LRRTM4: variants seen among roughly 807,000 people sequenced by gnomAD.
LRRTM4 encodes the protein leucine-rich repeat transmembrane neuronal protein 4.
Under a neutral mutation model 47.6 loss-of-function variants are expected in LRRTM4, and 25 were observed. The observed-to-expected ratio is 0.53, with a 90% CI of 0.38 to 0.73. The LOEUF (loss-of-function observed/expected upper bound fraction) is 0.73, where lower values mean the gene tolerates loss of function less well. LRRTM4 is among the 30% of genes least tolerant of loss of function. The pLI, the probability that LRRTM4 is intolerant of heterozygous loss-of-function variation, is 0.00. For missense variants in LRRTM4, 638 were observed against 713.4 expected, an observed-to-expected ratio of 0.89 and a Z score of 1.20; for synonymous variants, 311 against 269.5, an observed-to-expected ratio of 1.15 and a Z score of -1.51.
intron 3 of LRRTM4, among the ~76,000 whole-genome samples, chr2:77,046,492 C>T (rs1435601403): frequency 6.6e-6 from 1 of 151,948 alleles, no homozygotes; most frequent in Non-Finnish European, 1.5e-5. Flanking sequence ...CCAGTTGCCA[C>T]AGAATCTTGG....
At chr2:76,860,440 G>A (rs1672279758) in intron 3 of LRRTM4, among the ~76,000 whole-genome samples, 2 of 152,122 alleles carry the variant, frequency 1.3e-5, no homozygotes, top group African/African-American at 2.4e-5. Context: ...ATGAAACTGT[G>A]TGCAGATTAT....
intron 3 of LRRTM4, among the ~76,000 whole-genome samples, chr2:76,827,345 G>T (rs534904727): frequency 2.6e-5 from 4 of 151,868 alleles, no homozygotes; most frequent in African/African-American, 9.6e-5. Flanking sequence ...AGGGTCAAAC[G>T]CCAGGGGCCT....
At chr2:77,471,067 G>C (rs993479805) in intron 3 of LRRTM4, among the ~76,000 whole-genome samples, 2 of 151,860 alleles carry the variant, frequency 1.3e-5, no homozygotes, top group Non-Finnish European at 2.9e-5. Context: ...TCTAGTTCAG[G>C]CCTTTTCCCT....
chr2:76,819,280 C>T (rs1465839502), intron 3 of LRRTM4, among the ~76,000 whole-genome samples: 4 of 151,634 alleles, frequency 2.6e-5, no homozygotes, highest in African/African-American at 9.7e-5. Flanking sequence ...TAATATTTTT[C>T]TCATTATACA....
intron 3 of LRRTM4, among the ~76,000 whole-genome samples, chr2:76,785,362 A>C (rs62172101): frequency 0.27 from 40,312 of 152,066 alleles, 6,165 homozygotes; most frequent in Non-Finnish European, 0.34. Flanking sequence ...TAGAGCATCA[A>C]CTTATAACAG....
At chr2:77,038,346 GA>G (rs200363797) in intron 3 of LRRTM4, among the ~76,000 whole-genome samples, 571 of 151,634 alleles carry the variant, frequency 3.8e-3, no homozygotes, top group African/African-American at 0.013. Context: ...GAATTCACTT[GA>G]CCTTAGGCAT....
At chr2:77,116,519 A>T (rs1179558126) in intron 3 of LRRTM4, among the ~76,000 whole-genome samples, 2 of 152,110 alleles carry the variant, frequency 1.3e-5, no homozygotes, top group African/African-American at 4.8e-5. Context: ...TAGCAAACTA[A>T]TATTTTAGAT....
At chr2:77,290,684 T>A (rs1676798794) in intron 3 of LRRTM4, among the ~76,000 whole-genome samples, 1 of 152,006 alleles carries the variant, frequency 6.6e-6, no homozygotes, top group Non-Finnish European at 1.5e-5. Context: ...TTATTCAGTA[T>A]CTGTAATAAT....
intron 3 of LRRTM4, among the ~76,000 whole-genome samples, chr2:76,768,209 T>A (rs1354733299): frequency 2.4e-4 from 37 of 152,192 alleles, no homozygotes; most frequent in Non-Finnish European, 4.3e-4. Context: ...ATAGCTTCTC[T>A]TCTCTAAGAA....
intron 3 of LRRTM4, among the ~76,000 whole-genome samples, chr2:77,396,428 T>C (rs1000711800): frequency 6.6e-6 from 1 of 151,914 alleles, no homozygotes; most frequent in Non-Finnish European, 1.5e-5. Flanking sequence ...GTTTAATTCA[T>C]CTTTATATCT....
chr2:77,242,073 T>C (rs1251278923), intron 3 of LRRTM4, among the ~76,000 whole-genome samples: 6 of 152,172 alleles, frequency 3.9e-5, no homozygotes, highest in African/African-American at 1.2e-4. Context: ...TCTGGAAATA[T>C]GAAACCTCAG....
At chr2:76,864,950 T>C (rs1672424684) in intron 3 of LRRTM4, among the ~76,000 whole-genome samples, 1 of 151,364 alleles carries the variant, frequency 6.6e-6, no homozygotes, top group Non-Finnish European at 1.5e-5. Flanking sequence ...TTGCCCAGGC[T>C]GGTCTCAATC....
chr2:76,773,181 C>T (rs1673787571), intron 3 of LRRTM4: 3 of 152,236 alleles, frequency 2.0e-5, no homozygotes, highest in East Asian at 1.9e-4. Flanking sequence ...GCGCCTCTAT[C>T]TTCCAGTCTC....
chr2:76,780,161 G>T (rs1674286043), intron 3 of LRRTM4, among the ~76,000 whole-genome samples: 1 of 152,158 alleles, frequency 6.6e-6, no homozygotes, highest in African/African-American at 2.4e-5. Context: ...CCCTTTGAGG[G>T]TAACCCGACC....
intron 3 of LRRTM4, among the ~76,000 whole-genome samples, chr2:77,403,146 C>G (rs1674028269): frequency 6.6e-6 from 1 of 151,964 alleles, no homozygotes; most frequent in Admixed American, 6.6e-5. Context: ...TCCCAGTTAA[C>G]ATCAGGTAAA....
chr2:76,918,547 C>T (rs901066807), intron 3 of LRRTM4, among the ~76,000 whole-genome samples: 2 of 151,986 alleles, frequency 1.3e-5, no homozygotes, highest in African/African-American at 4.8e-5. Flanking sequence ...GAGACTTGTC[C>T]CCATGCAAAA....
At chr2:77,261,559 G>C (rs1398432202) in intron 3 of LRRTM4, among the ~76,000 whole-genome samples, 3 of 152,020 alleles carry the variant, frequency 2.0e-5, no homozygotes, top group Non-Finnish European at 1.5e-5. Flanking sequence ...TGGATTGCAT[G>C]AAGTCTTTAT....
At chr2:76,836,173 AAAT>A (rs1042158257) in intron 3 of LRRTM4, among the ~76,000 whole-genome samples, 3 of 150,620 alleles carry the variant, frequency 2.0e-5, no homozygotes, top group Admixed American at 6.6e-5. Flanking sequence ...AAAAAAAAAA[AAAT>A]AACAGTGAAG....
chr2:77,326,251 T>C (rs1370085935), intron 3 of LRRTM4, among the ~76,000 whole-genome samples: 1 of 152,232 alleles, frequency 6.6e-6, no homozygotes, highest in Non-Finnish European at 1.5e-5. Context: ...TTACGAAGTT[T>C]CTCACATCAT....
Sources: gnomAD v4.1 joint callset for allele counts (sites outside exome capture counted in the v4.1 genomes callset) on GRCh38, gnomAD v4.1.1 for gene constraint, MANE v1.5 for transcripts, NCBI Gene and HGNC (gene_info 2026-07-23, HGNC 2026-07-21) for gene names.